MIPEP: variants seen among roughly 807,000 people sequenced by gnomAD.
MIPEP encodes mitochondrial intermediate peptidase.
MIPEP carries 79 observed loss-of-function variants against 90.3 expected under a neutral mutation model. That is an observed-to-expected ratio of 0.87 (90% confidence interval 0.73 to 1.05). The LOEUF (loss-of-function observed/expected upper bound fraction) is 1.05. MIPEP is among the 50% of genes least tolerant of loss of function. The pLI, the probability that MIPEP is intolerant of heterozygous loss-of-function variation, is 0.00. For synonymous variants in MIPEP, 334 were observed against 315.8 expected (o/e 1.06, Z -0.61); for missense variants, 940 against 905.6 (o/e 1.04, Z -0.49).
rs552202735 is a variant in MIPEP at position 23,746,268 on chromosome 13, C to T, written c.2044+10277G>A. ...ACCTCAGGTGATCCACCCATCTCAG[C>T]CTCCCAAAGTGCTGGGATTATAGGC... On this transcript the variant is annotated intron_variant, in intron 18 of 18. Transcript: ENST00000382172. Among the ~76,000 whole-genome samples the T allele has an allele frequency of 1.1e-3, 165 of 151,854 alleles. 3 individuals are homozygous for T. Among genetic ancestry groups the T allele is most frequent in the Middle Eastern group, 0.01 (3 of 294 alleles).
chr13:23,889,304 C>T lies in MIPEP; in HGVS notation c.17G>A (p.Arg6Lys). The change falls in exon 1 of 19, where the codon AGG (arginine) becomes AAG (lysine). Residue 6 changes from arginine to lysine, a missense_variant. Arg to Lys is a conservative substitution (Grantham distance 26, BLOSUM62 2). Coordinates refer to ENST00000382172, the MANE Select transcript of MIPEP (RefSeq NM_005932.4). ...TGCTCTGGCTCCCAAGCCGCCCAGC[C>T]TTCCGACGCACAGCATTCTAGCACC... MLCVG[R>K]LGGLGARAAA... 7.4e-7 allele frequency: 1 copy of T among 1,351,092 alleles called. No individual in the cohort carries two copies. Among genetic ancestry groups the T allele is most frequent in the Non-Finnish European group, 9.5e-7 (1 of 1,049,404 alleles). 83.7% of individuals were successfully genotyped at this position (1,351,092 alleles called of 1,614,324 possible). A position where few individuals can be genotyped will look rare whatever the true frequency, so the allele number is the denominator to read the frequency against.
chr13:23,859,051 TGA>T, intron 9 of MIPEP, 139 bp from the exon 10 acceptor site: 3 of 724,020 alleles, frequency 4.1e-6, no homozygotes, highest in Non-Finnish European at 7.1e-6. Context: ...CTTAAAAAAT[TGA>T]TAGCTTGGCA....
intron 18 of MIPEP, among the ~76,000 whole-genome samples, chr13:23,738,743 T>C (rs965061000): frequency 3.9e-5 from 6 of 152,152 alleles, no homozygotes; most frequent in African/African-American, 7.2e-5. Flanking sequence ...TGCGCCTCTG[T>C]GACTGGCTGA....
At chr13:23,761,541 A>G (rs1461263733) in intron 16 of MIPEP, among the ~76,000 whole-genome samples, 1 of 152,224 alleles carries the variant, frequency 6.6e-6, no homozygotes, top group East Asian at 1.9e-4. Context: ...ATGGAAGGAC[A>G]CAGTTCCACT....
chr13:23,868,321 G>A (rs1161209329), intron 7 of MIPEP, among the ~76,000 whole-genome samples: 7 of 152,164 alleles, frequency 4.6e-5, no homozygotes, highest in African/African-American at 7.2e-5. Flanking sequence ...AGCGTGACAC[G>A]CCTGTAGCTT....
chr13:23,736,023 C>T (rs892623728), intron 18 of MIPEP, among the ~76,000 whole-genome samples: 2 of 152,062 alleles, frequency 1.3e-5, no homozygotes, highest in African/African-American at 4.8e-5. Context: ...TTTTTTAAAG[C>T]TGACAAAGAT....
chr13:23,887,961 C>T (rs2137547605), intron 1 of MIPEP: 1 of 322,008 alleles, frequency 3.1e-6, no homozygotes, highest in East Asian at 8.8e-5. Flanking sequence ...CCCAGTACAA[C>T]CTGCCCATAT....
Position 23,747,592 on chromosome 13 carries a change from ACAATGG to A in MIPEP, c.2044+8947_2044+8952del, listed in dbSNP as rs774408542. ...GAGACTGAACAAGTGTGGAGACAGC[ACAATGG>A]CTATATATTTTTTTTCTTTTACATG... On this transcript the variant is annotated intron_variant, in intron 18 of 18. Coordinates refer to ENST00000382172, the MANE Select transcript of MIPEP (RefSeq NM_005932.4). 15 of 501,634 alleles carry A rather than the reference ACAATGG, an allele frequency of 3.0e-5. No homozygotes were observed. In the East Asian group the frequency reaches 8.5e-4, roughly 28 times the overall value. The allele number at this position is 501,634 out of a possible 1,614,324, so 31.1% of individuals were successfully genotyped here.
chr13:23,873,885 A>C (rs1252241821), intron 5 of MIPEP, among the ~76,000 whole-genome samples: 1 of 152,222 alleles, frequency 6.6e-6, no homozygotes, highest in Non-Finnish European at 1.5e-5. Flanking sequence ...GTCCTGGCTC[A>C]GGGTCAGACC....
intron 7 of MIPEP, among the ~76,000 whole-genome samples, chr13:23,867,642 C>T (rs980900861): frequency 2.4e-4 from 37 of 152,130 alleles, no homozygotes; most frequent in African/African-American, 8.0e-4. Context: ...TTTCCCTGAC[C>T]GAGAATAATA....
At chr13:23,806,981 G>A (rs1016771232) in intron 15 of MIPEP, among the ~76,000 whole-genome samples, 27 of 152,080 alleles carry the variant, frequency 1.8e-4, no homozygotes, top group Non-Finnish European at 3.5e-4. Flanking sequence ...TAGATGTATC[G>A]AAGAATTCTG....
In MIPEP at chr13:23,871,962, T is replaced by C. The variant is rs1436634563; in HGVS notation, c.604-1767A>G. Among the ~76,000 whole-genome samples, 121 of 152,232 alleles carry C rather than the reference T, an allele frequency of 7.9e-4. 1 individual carries two copies. Among genetic ancestry groups the C allele is most frequent in the Non-Finnish European group, 5.9e-5 (4 of 68,032 alleles). On this transcript the variant is annotated intron_variant, in intron 5 of 18. Transcript: ENST00000382172. ...TAACTACTTTGAAGATTTTATCTAC[T>C]GATAAAACCTCTGGAAAAATCAAAA... is the stretch of plus-strand genomic sequence containing the variant.
At chr13:23,836,197 T>C (rs1869032726) in intron 14 of MIPEP, 43 bp downstream of exon 14, 2 of 1,305,178 alleles carry the variant, frequency 1.5e-6, no homozygotes, top group South Asian at 3.0e-5. Context: ...AAACGCCAAC[T>C]ATCACAACCC....
chr13:23,732,517 T>C (rs957559904), intron 18 of MIPEP, among the ~76,000 whole-genome samples: 1 of 152,200 alleles, frequency 6.6e-6, no homozygotes, highest in Non-Finnish European at 1.5e-5. Flanking sequence ...AACCCAAGTT[T>C]CTATCAATAG....
intron 16 of MIPEP, among the ~76,000 whole-genome samples, chr13:23,781,211 C>A (rs914631166): frequency 2.0e-5 from 3 of 152,140 alleles, no homozygotes; most frequent in Non-Finnish European, 4.4e-5. Flanking sequence ...AGAGAAAGGT[C>A]GGGTTACCCA....
intron 14 of MIPEP, among the ~76,000 whole-genome samples, chr13:23,823,184 G>A (rs1206108735): frequency 3.3e-5 from 5 of 152,100 alleles, no homozygotes; most frequent in South Asian, 2.1e-4. Context: ...CCGTAAGGAG[G>A]AGCACTGTGT....
At chr13:23,808,360 A>G (rs977785278) in intron 15 of MIPEP, among the ~76,000 whole-genome samples, 1 of 152,058 alleles carries the variant, frequency 6.6e-6, no homozygotes, top group African/African-American at 2.4e-5. Context: ...CGGCCTCCCA[A>G]CGTGCTGGGA....
At chr13:23,870,301 T>C (rs895816325) in intron 5 of MIPEP, 106 bp from the exon 6 acceptor site, 4 of 575,188 alleles carry the variant, frequency 7.0e-6, no homozygotes, top group East Asian at 7.0e-5. Context: ...TATTGTTGAA[T>C]TATCACTTAA....
intron 14 of MIPEP, among the ~76,000 whole-genome samples, chr13:23,816,017 G>C (rs564287940): frequency 6.6e-6 from 1 of 152,158 alleles, no homozygotes; most frequent in African/African-American, 2.4e-5. Context: ...TGAACGAAAA[G>C]TCTACTGTAA....
Sources: gnomAD v4.1 joint callset for allele counts (sites outside exome capture counted in the v4.1 genomes callset) on GRCh38, gnomAD v4.1.1 for gene constraint, MANE v1.5 for transcripts, NCBI Gene and HGNC (gene_info 2026-07-23, HGNC 2026-07-21) for gene names.